Variants in KIF26B observed in about 807,000 individuals in gnomAD.
KIF26B encodes the protein kinesin family member 26B, also known as kinesin-like protein KIF26B.
A neutral mutation model predicts 151.2 loss-of-function variants in KIF26B; 63 were observed. That is an observed-to-expected ratio of 0.42 (90% CI 0.34 to 0.51). The LOEUF is 0.51. KIF26B is among the 20% of genes least tolerant of loss of function. The pLI is 0.07. For missense variants in KIF26B, 2,813 were observed against 2,913.6 expected, an observed-to-expected ratio of 0.97 and a Z score of 0.79; for synonymous variants, 1,357 against 1,262.1, an observed-to-expected ratio of 1.08 and a Z score of -1.59.
chr1:245,455,854 G>A (rs1203711939), intron 4 of KIF26B, among the ~76,000 whole-genome samples: 1 of 152,174 alleles, frequency 6.6e-6, no homozygotes, highest in Non-Finnish European at 1.5e-5. Flanking sequence ...AGGACATTCA[G>A]CCACTCAGCA....
chr1:245,549,816 T>C (rs922618227), intron 5 of KIF26B, among the ~76,000 whole-genome samples: 1 of 152,062 alleles, frequency 6.6e-6, no homozygotes, highest in Non-Finnish European at 1.5e-5. Flanking sequence ...AATCTTGCTC[T>C]GTCGCCCAGG....
intron 4 of KIF26B, among the ~76,000 whole-genome samples, chr1:245,494,601 C>T (rs1660475211): frequency 6.6e-6 from 1 of 151,714 alleles, no homozygotes; most frequent in African/African-American, 2.4e-5. Flanking sequence ...AAGAAATAAG[C>T]CTAAAAGAAA....
chr1:245,518,611 G>A (rs1482227084), intron 4 of KIF26B, among the ~76,000 whole-genome samples: 1 of 152,170 alleles, frequency 6.6e-6, no homozygotes, highest in African/African-American at 2.4e-5. Flanking sequence ...AGTAAACACT[G>A]ACTGCCAGCA....
At position 245,179,110 on chromosome 1, in the gene KIF26B, CT is replaced by C. The variant is rs1174403143; in HGVS notation, c.465+22428del. ...AAAACGACATTTAAAAAGACTGCCC[CT>C]GTCTTTGTGAAAGCAGCAAATAGTT... On this transcript the variant is annotated intron_variant, in intron 2 of 14. Transcript: ENST00000407071. Among the ~76,000 whole-genome samples the C allele has an allele frequency of 2.6e-5, 4 of 152,278 alleles. No individual in the cohort carries two copies. In the South Asian group the frequency reaches 6.2e-4, roughly 24 times the overall value.
intron 2 of KIF26B, among the ~76,000 whole-genome samples, chr1:245,185,009 A>G (rs1185869816): frequency 6.6e-6 from 1 of 152,268 alleles, no homozygotes; most frequent in Non-Finnish European, 1.5e-5. Context: ...TTGGAATCCT[A>G]GACATCCAAA....
chr1:245,618,266 C>T (rs1022083103), intron 9 of KIF26B, among the ~76,000 whole-genome samples: 1 of 152,224 alleles, frequency 6.6e-6, no homozygotes, highest in Non-Finnish European at 1.5e-5. Context: ...GTGAGCTAGT[C>T]CAAGCCCTAT....
intron 2 of KIF26B, among the ~76,000 whole-genome samples, chr1:245,157,032 C>T (rs1193651671): frequency 6.6e-6 from 1 of 152,198 alleles, no homozygotes; most frequent in East Asian, 1.9e-4. Context: ...TTCTCCCCAC[C>T]CCCACCTGTG....
chr1:245,633,234 T>G (rs1184610906), intron 9 of KIF26B, among the ~76,000 whole-genome samples: 1 of 151,886 alleles, frequency 6.6e-6, no homozygotes, highest in Non-Finnish European at 1.5e-5. Context: ...TCTATGTGCA[T>G]CTTTACAAAT....
intron 2 of KIF26B, among the ~76,000 whole-genome samples, chr1:245,245,288 T>A (rs1401137882): frequency 6.6e-6 from 1 of 152,120 alleles, no homozygotes; most frequent in African/African-American, 2.4e-5. Flanking sequence ...CTACTGATGA[T>A]CAAAGCCCTC....
chr1:245,527,257 A>T (rs947270055), intron 4 of KIF26B, among the ~76,000 whole-genome samples: 7 of 152,220 alleles, frequency 4.6e-5, no homozygotes, highest in African/African-American at 7.2e-5. Flanking sequence ...TAGTCCTTAA[A>T]CTAGAAAAGA....
At chr1:245,528,684 A>G (rs1661295923) in intron 4 of KIF26B, among the ~76,000 whole-genome samples, 3 of 152,206 alleles carry the variant, frequency 2.0e-5, no homozygotes, top group African/African-American at 4.8e-5. Context: ...GAACTTTTCT[A>G]TTCCACAGGA....
At chr1:245,400,136 G>A (rs2103026506) in intron 3 of KIF26B, among the ~76,000 whole-genome samples, 1 of 152,220 alleles carries the variant, frequency 6.6e-6, no homozygotes, top group Middle Eastern at 3.4e-3. Context: ...AAGGAAAATT[G>A]GCTGCTCATT....
intron 4 of KIF26B, among the ~76,000 whole-genome samples, chr1:245,432,596 CT>C (rs1224197348): frequency 2.6e-5 from 4 of 152,154 alleles, no homozygotes; most frequent in African/African-American, 9.7e-5. Flanking sequence ...TTCTGTCCCC[CT>C]GCTTTGATTT....
chr1:245,552,722 C>T (rs958848452), intron 5 of KIF26B, among the ~76,000 whole-genome samples: 2 of 151,420 alleles, frequency 1.3e-5, no homozygotes, highest in African/African-American at 4.9e-5. Context: ...AAGCGATTCT[C>T]CTGCGTAGCT....
chr1:245,303,197 C>CTT (rs757473264), intron 2 of KIF26B, among the ~76,000 whole-genome samples: 17,881 of 102,480 alleles, frequency 0.17, 2,091 homozygotes, highest in East Asian at 0.33. Flanking sequence ...ACTAAATGTT[C>CTT]TTTTTTTTTT....
At chr1:245,338,122 T>A (rs975373027) in intron 2 of KIF26B, among the ~76,000 whole-genome samples, 1 of 152,178 alleles carries the variant, frequency 6.6e-6, no homozygotes, top group Admixed American at 6.5e-5. Flanking sequence ...TAATTAACAT[T>A]CGTAGTAGAC....
At chr1:245,460,341 T>G (rs1659620366) in intron 4 of KIF26B, among the ~76,000 whole-genome samples, 1 of 152,164 alleles carries the variant, frequency 6.6e-6, no homozygotes, top group African/African-American at 2.4e-5. Flanking sequence ...TCTGGGTCAT[T>G]TTTCTCTTAA....
intron 2 of KIF26B, among the ~76,000 whole-genome samples, chr1:245,314,825 G>C (rs957761974): frequency 6.6e-6 from 1 of 152,110 alleles, no homozygotes; most frequent in East Asian, 1.9e-4. Context: ...TTTCAAGCAA[G>C]GTATAGATTC....
At chr1:245,637,017 C>G (rs1485163340) in intron 9 of KIF26B, among the ~76,000 whole-genome samples, 1 of 151,970 alleles carries the variant, frequency 6.6e-6, no homozygotes, top group Non-Finnish European at 1.5e-5. Context: ...ATTTCTTTTA[C>G]TTTGGATATA....
Sources: gnomAD v4.1 joint callset for allele counts (sites outside exome capture counted in the v4.1 genomes callset) on GRCh38, gnomAD v4.1.1 for gene constraint, MANE v1.5 for transcripts, NCBI Gene and HGNC (gene_info 2026-07-23, HGNC 2026-07-21) for gene names.